ALLC: variants seen among roughly 807,000 people sequenced by gnomAD.
ALLC encodes the protein probable inactive allantoicase.
In ALLC, 40 loss-of-function variants were observed where a neutral mutation model predicts 45.0. The ratio of observed to expected loss-of-function variants is 0.89; its 90% CI spans 0.69 to 1.16. ALLC has a LOEUF of 1.16. Ranked by LOEUF, ALLC falls within the 50% of genes most tolerant of loss-of-function variation. The pLI is 0.00. For synonymous variants in ALLC, 176 were observed against 178.1 expected, an observed-to-expected ratio of 0.99 and a Z score of 0.09; for missense variants, 488 against 493.1, an observed-to-expected ratio of 0.99 and a Z score of 0.10.
chr2:3,693,791 C>T (rs980261561), intron 7 of ALLC, among the ~76,000 whole-genome samples: 8 of 152,160 alleles, frequency 5.3e-5, no homozygotes, highest in African/African-American at 1.9e-4. Context: ...AGTTCAAGAC[C>T]AGCCTGGCCA....
intron 10 of ALLC, among the ~76,000 whole-genome samples, chr2:3,701,202 A>G (rs183501902): frequency 6.6e-6 from 1 of 152,350 alleles, no homozygotes; most frequent in East Asian, 1.9e-4. Context: ...CAATTGAGGA[A>G]GCTTATCAAA....
chr2:3,649,984 G>A, the ALLC span, among the ~76,000 whole-genome samples: 1 of 152,384 alleles, frequency 6.6e-6, no homozygotes, highest in African/African-American at 2.4e-5. Context: ...GTTCAGCAGC[G>A]TCTAAGACGT....
At chr2:3,659,726 C>T (rs537137904) in intron 1 of ALLC, among the ~76,000 whole-genome samples, 1 of 152,356 alleles carries the variant, frequency 6.6e-6, no homozygotes, top group South Asian at 2.1e-4. Flanking sequence ...GAGCTGTGAC[C>T]TCCACCAGGG....
At chr2:3,667,639 A>C (rs573758969) in intron 1 of ALLC, among the ~76,000 whole-genome samples, 158 of 152,378 alleles carry the variant, frequency 1.0e-3, no homozygotes, top group South Asian at 4.1e-3. Context: ...AAACTGTATG[A>C]ACAGCGCACG....
intron 2 of ALLC, among the ~76,000 whole-genome samples, chr2:3,673,187 T>C (rs528618189): frequency 6.6e-6 from 1 of 152,214 alleles, no homozygotes; most frequent in East Asian, 1.9e-4. Flanking sequence ...GGAGCCCACA[T>C]GCTCCAGGTG....
At position 3,702,539 on chromosome 2, in the gene ALLC, G is replaced by A. The variant is rs569136674; in HGVS notation, c.1152G>A (p.Ser384=). 23 of 1,598,522 alleles carry A rather than the reference G, an allele frequency of 1.4e-5. No homozygotes were observed. Among genetic ancestry groups the A allele is most frequent in the Non-Finnish European group, 1.9e-5 (22 of 1,173,636 alleles). ...GGGAGAAGCCCATGTTGAAGTTCTC[G>A]GTGAGCTTCAAAGCAAACCCTTAAC... The part of the protein sequence containing the change: ...RPREKPMLKF[S]VSFKANP The change falls in exon 12 of 12, where the codon TCG becomes TCA. Residue 384 remains serine, a synonymous_variant. Transcript: ENST00000252505.
At chr2:3,682,435 A>G (rs758915087) in intron 6 of ALLC, among the ~76,000 whole-genome samples, 4 of 152,258 alleles carry the variant, frequency 2.6e-5, no homozygotes, top group Non-Finnish European at 4.4e-5. Context: ...AAAACAAAAC[A>G]GGCCTTTATT....
chr2:3,673,187 T>A (rs528618189), intron 2 of ALLC, among the ~76,000 whole-genome samples: 1 of 152,214 alleles, frequency 6.6e-6, no homozygotes, highest in Admixed American at 6.5e-5. Context: ...GGAGCCCACA[T>A]GCTCCAGGTG....
intron 1 of ALLC, among the ~76,000 whole-genome samples, chr2:3,669,258 A>T (rs997102512): frequency 8.6e-5 from 13 of 151,940 alleles, no homozygotes; most frequent in African/African-American, 2.9e-4. Flanking sequence ...TGGATCACGA[A>T]GTCAGGAGAT....
the ALLC span, among the ~76,000 whole-genome samples, chr2:3,651,415 GT>G: frequency 2.2e-4 from 12 of 54,084 alleles, no homozygotes; most frequent in Non-Finnish European, 2.6e-4. Context: ...GTGTGTGTGT[GT>G]GTGTGTGTGT....
intron 1 of ALLC, among the ~76,000 whole-genome samples, chr2:3,665,045 TG>T (rs1354758352): frequency 6.6e-6 from 1 of 152,100 alleles, no homozygotes; most frequent in Non-Finnish European, 1.5e-5. Context: ...ATATTTGTAA[TG>T]AGCTTAAGGA....
chr2:3,701,381 T>A (rs6730148), intron 10 of ALLC, 131 bp from the exon 11 acceptor site: 35 of 1,125,452 alleles, frequency 3.1e-5, no homozygotes, highest in Non-Finnish European at 1.2e-6. Flanking sequence ...TTCATACCTT[T>A]GCTTTTGCTC....
At chr2:3,654,344 C>T (rs376775215), upstream of ALLC, among the ~76,000 whole-genome samples, 4 of 152,240 alleles carry the variant, frequency 2.6e-5, no homozygotes, top group East Asian at 1.9e-4. Flanking sequence ...GGAAAAGCAA[C>T]GGCTGCAGTG....
chr2:3,655,095 T>C (rs1412470481), upstream of ALLC, among the ~76,000 whole-genome samples: 2 of 152,196 alleles, frequency 1.3e-5, no homozygotes, highest in African/African-American at 4.8e-5. Flanking sequence ...AGGTCACTGG[T>C]GGGGTCAGCT....
At position 3,681,707 on chromosome 2, in the gene ALLC, T is replaced by G. The variant is rs1667184967; in HGVS notation, c.372T>G (p.Ile124Met). The G allele has an allele frequency of 6.2e-7, 1 of 1,608,186 alleles. No individual in the cohort carries two copies. The highest frequency in any genetic ancestry group is 1.3e-5 in the African/African-American group (1 of 74,752). ...CCACTCCTGAGGAGTTTGAAGCCAT[T>G]GCTGAGGTACATCTCCCCCAAATGA... is the stretch of plus-strand genomic sequence containing the variant. ...AAATPEEFEAIAELKSDDWSY... is the reference protein window; with the variant it reads ...AAATPEEFEAMAELKSDDWSY... Residue 124 changes from isoleucine (I) to methionine (M), a missense_variant, in exon 6 of 12, where the codon ATT (isoleucine) becomes ATG (methionine). Transcript: ENST00000252505.
chr2:3,646,554 C>T, the ALLC span, among the ~76,000 whole-genome samples: 1 of 152,182 alleles, frequency 6.6e-6, no homozygotes, highest in Admixed American at 6.5e-5. Flanking sequence ...AAGAGGAGCA[C>T]CTTGTCTTCA....
chr2:3,654,899 A>C (rs1462073467), upstream of ALLC, among the ~76,000 whole-genome samples: 1 of 152,258 alleles, frequency 6.6e-6, no homozygotes, highest in African/African-American at 2.4e-5. Context: ...AGCGCTTTGC[A>C]TTGGCTGTGT....
chr2:3,670,952 A>T (rs1666851978), intron 1 of ALLC, 144 bp from the exon 2 acceptor site: 3 of 585,638 alleles, frequency 5.1e-6, no homozygotes, highest in Admixed American at 3.0e-5. Flanking sequence ...AGCAGAGGGC[A>T]CCTGTCAGGT....
At chr2:3,695,315 A>G (rs113285618) in intron 7 of ALLC, 286 of 220,722 alleles carry the variant, frequency 1.3e-3, no homozygotes, top group African/African-American at 6.3e-3. Context: ...TTGGAGACTG[A>G]TTTTAGCAGG....
Sources: gnomAD v4.1 joint callset for allele counts (sites outside exome capture counted in the v4.1 genomes callset) on GRCh38, gnomAD v4.1.1 for gene constraint, MANE v1.5 for transcripts, NCBI Gene and HGNC (gene_info 2026-07-23, HGNC 2026-07-21) for gene names.